Variants in SCN9A observed in about 807,000 individuals in gnomAD.
SCN9A encodes sodium voltage-gated channel alpha subunit 9.
In SCN9A, 131 loss-of-function variants were observed where a neutral mutation model predicts 187.0. The ratio of observed to expected loss-of-function variants is 0.70; its 90% CI spans 0.61 to 0.81. The LOEUF (loss-of-function observed/expected upper bound fraction) is 0.81, where lower values mean the gene tolerates loss of function less well. Ranked by LOEUF, SCN9A falls within the 30% of genes least tolerant of loss-of-function variation. The pLI, the probability that SCN9A is intolerant of heterozygous loss-of-function variation, is 0.00. For synonymous variants in SCN9A, 809 were observed against 808.6 expected, an observed-to-expected ratio of 1.00 and a Z score of -0.01; for missense variants, 2,252 against 2,396.6, an observed-to-expected ratio of 0.94 and a Z score of 1.26.
At chr2:166,344,208 G>A (rs1699849879) in intron 1 of SCN9A, among the ~76,000 whole-genome samples, 2 of 152,112 alleles carry the variant, frequency 1.3e-5, no homozygotes, top group South Asian at 2.1e-4. Context: ...TAGAATAAAT[G>A]AAGTATAAGG....
chr2:166,277,492 A>T (rs897116545), intron 15 of SCN9A, among the ~76,000 whole-genome samples, 153 bp from the exon 16 acceptor site: 4 of 152,110 alleles, frequency 2.6e-5, no homozygotes, highest in Non-Finnish European at 5.9e-5. Context: ...CATTTTCATC[A>T]ATTTTCAATA....
intron 1 of SCN9A, among the ~76,000 whole-genome samples, chr2:166,315,452 AG>A (rs1411377606): frequency 1.3e-5 from 2 of 152,166 alleles, no homozygotes; most frequent in Non-Finnish European, 2.9e-5. Context: ...GCAGAGGCAA[AG>A]GGTGGTCAAT....
Position 166,312,576 on chromosome 2 carries a change from A to AT in SCN9A, c.-50-771dup, listed in dbSNP as rs573160530. On this transcript the variant is annotated intron_variant, in intron 1 of 26. Transcript: ENST00000642356. ...TAGAATGGTGAATCCTTTCCAGAAG[A>AT]TTTTCAATTTACTTTTCCCAGACCC... Among the ~76,000 whole-genome samples the AT allele has an allele frequency of 3.1e-3, 468 of 152,224 alleles. 3 individuals carry two copies. The highest frequency in any genetic ancestry group is 0.01 in the African/African-American group (433 of 41,544).
intron 19 of SCN9A, among the ~76,000 whole-genome samples, chr2:166,241,077 C>A (rs528601806): frequency 6.6e-6 from 1 of 152,252 alleles, no homozygotes; most frequent in African/African-American, 2.4e-5. Flanking sequence ...CCAAGCACCT[C>A]ATATCTTCTG....
intron 8 of SCN9A, among the ~76,000 whole-genome samples, chr2:166,293,964 C>T (rs1698190193): frequency 6.6e-6 from 1 of 152,102 alleles, no homozygotes; most frequent in South Asian, 2.1e-4. Flanking sequence ...GGAACAGCAA[C>T]CTTATCCAGT....
At position 166,251,833 on chromosome 2, in the gene SCN9A, G is replaced by A. The variant is rs759577362; in HGVS notation, c.3404C>T (p.Pro1135Leu). ...AGCCTCTGCTTCTTCTCCTTCTCCA[G>A]GCAAAGGGTTATCAACTGTGCTGCA... is the stretch of plus-strand genomic sequence containing the variant. ...SECSTVDNPLPGEGEEAEAEP... is the reference protein window; with the variant it reads ...SECSTVDNPLLGEGEEAEAEP... The change falls in exon 18 of 27, where the codon CCT becomes CTT. Residue 1135 changes from proline to leucine, a missense_variant. This residue lies in a region of SCN9A where 313 missense variants were observed against 295.3 expected (regional missense o/e 1.06). Coordinates refer to ENST00000642356, the MANE Select transcript of SCN9A (RefSeq NM_001365536.1). The A allele has an allele frequency of 3.7e-6, 6 of 1,612,600 alleles. No homozygotes were observed. Among genetic ancestry groups the A allele is most frequent in the Non-Finnish European group, 4.2e-6 (5 of 1,179,100 alleles).
intron 24 of SCN9A, among the ~76,000 whole-genome samples, chr2:166,208,570 CTT>C (rs1450013427): frequency 8.6e-5 from 13 of 151,916 alleles, no homozygotes; most frequent in African/African-American, 2.9e-4. Flanking sequence ...CTTTTTATAA[CTT>C]GAACTCATTA....
At chr2:166,209,086 G>T (rs980850311) in intron 24 of SCN9A, among the ~76,000 whole-genome samples, 2 of 152,154 alleles carry the variant, frequency 1.3e-5, no homozygotes, top group South Asian at 4.2e-4. Context: ...AAAAGGGGAC[G>T]GTAGATTAGC....
At chr2:166,373,302 T>G (rs1417439527) in intron 1 of SCN9A, among the ~76,000 whole-genome samples, 4 of 146,398 alleles carry the variant, frequency 2.7e-5, no homozygotes, top group Non-Finnish European at 1.5e-5. Flanking sequence ...CTTCTCCTCT[T>G]CTTCTTCCTC....
intron 21 of SCN9A, among the ~76,000 whole-genome samples, chr2:166,232,502 T>A (rs2106393499): frequency 6.6e-6 from 1 of 152,244 alleles, no homozygotes; most frequent in African/African-American, 2.4e-5. Context: ...TAAACAAATA[T>A]TATTTGAACA....
At chr2:166,308,785 G>A (rs545115612) in intron 2 of SCN9A, among the ~76,000 whole-genome samples, 2 of 152,080 alleles carry the variant, frequency 1.3e-5, no homozygotes, top group South Asian at 2.1e-4. Context: ...AATTAGCCAG[G>A]TGTGGTGGCG....
chr2:166,356,334 ACATTCATTCATT>A, intron 1 of SCN9A, among the ~76,000 whole-genome samples: 1 of 152,302 alleles, frequency 6.6e-6, no homozygotes, highest in East Asian at 1.9e-4. Context: ...TTTGCAAAAA[ACATTCATTCATT>A]CATTCATTCA....
At chr2:166,246,477 A>G (rs1190184737) in intron 18 of SCN9A, among the ~76,000 whole-genome samples, 2 of 152,028 alleles carry the variant, frequency 1.3e-5, no homozygotes, top group African/African-American at 2.4e-5. Context: ...CGATAAAATG[A>G]TATAAAAACA....
Position 166,198,684 on chromosome 2 carries a change from T to G in SCN9A, c.5955A>C (p.Glu1985Asp). The G allele has an allele frequency of 6.3e-7, 1 of 1,592,852 alleles. No homozygotes were observed. The highest frequency in any genetic ancestry group is 8.5e-7 in the Non-Finnish European group (1 of 1,171,304). ...EKEDKGKDSK[E>D]SKK is the part of the protein sequence containing the mutation. Reference sequence around the variant, plus strand: ...CAAAAATGAAGCTCTATTTTTTGCTTTCCTTGCTGTCTTTCCCTTTGTCTT... The same window carrying G: ...CAAAAATGAAGCTCTATTTTTTGCTGTCCTTGCTGTCTTTCCCTTTGTCTT... Residue 1985 changes from glutamate (E) to aspartate (D), a missense_variant, in exon 27 of 27, where the codon GAA becomes GAC. Physicochemically the swap from Glu to Asp is conservative, Grantham distance 45. Coordinates refer to ENST00000642356, the MANE Select transcript of SCN9A (RefSeq NM_001365536.1).
At chr2:166,369,473 A>G (rs1700497908) in intron 1 of SCN9A, among the ~76,000 whole-genome samples, 1 of 152,202 alleles carries the variant, frequency 6.6e-6, no homozygotes, top group South Asian at 2.1e-4. Flanking sequence ...ATGGGATTAT[A>G]AGAACCTTAT....
intron 1 of SCN9A, among the ~76,000 whole-genome samples, chr2:166,323,724 T>C (rs963644526): frequency 6.6e-6 from 1 of 152,126 alleles, no homozygotes; most frequent in African/African-American, 2.4e-5. Flanking sequence ...AGTTAGAGTA[T>C]GTGCATATTA....
intron 24 of SCN9A, among the ~76,000 whole-genome samples, chr2:166,222,964 A>C (rs1182291649): frequency 1.3e-5 from 2 of 148,212 alleles, no homozygotes; most frequent in East Asian, 1.9e-4. Context: ...AAAAAAAAAA[A>C]AAAAAAAACA....
intron 18 of SCN9A, chr2:166,248,265 A>G (rs1452125562): frequency 6.6e-6 from 1 of 152,086 alleles, no homozygotes; most frequent in Non-Finnish European, 1.5e-5. Flanking sequence ...CTTGTAGACC[A>G]ATTACCAACT....
chr2:166,231,548 CTTTTTTTTT>C (rs57067738), intron 21 of SCN9A, among the ~76,000 whole-genome samples: 1 of 99,066 alleles, frequency 1.0e-5, no homozygotes, highest in Non-Finnish European at 1.8e-5. Flanking sequence ...CAAGAATTTG[CTTTTTTTTT>C]TTTTTTTTTT....
Sources: allele counts gnomAD v4.1 joint callset (sites outside exome capture counted in the v4.1 genomes callset), GRCh38; gene constraint gnomAD v4.1.1; regional missense constraint gnomAD v4.1.1; transcripts MANE v1.5; gene names NCBI Gene and HGNC (gene_info 2026-07-23, HGNC 2026-07-21).